Variants in VNN2 observed in about 807,000 individuals in gnomAD.
The protein encoded by VNN2 is vanin 2.
Under a neutral mutation model 43.0 loss-of-function variants are expected in VNN2, and 43 were observed. The ratio of observed to expected loss-of-function variants is 1.00; its 90% confidence interval spans 0.78 to 1.29. VNN2 has a LOEUF of 1.29. Among genes scored for constraint, VNN2 ranks in the 50% most tolerant of loss-of-function variants. The pLI, the probability that VNN2 is intolerant of heterozygous loss-of-function variation, is 0.00. For missense variants in VNN2, 652 were observed against 619.7 expected (o/e 1.05, Z -0.55); for synonymous variants, 230 against 224.3 (o/e 1.03, Z -0.23).
chr6:132,744,425 A>G lies in VNN2; in HGVS notation c.1438T>C (p.Phe480Leu). 1.2e-6 allele frequency: 2 copies of G among 1,613,732 alleles called. No individual in the cohort carries two copies. The highest frequency in any genetic ancestry group is 2.2e-5 in the South Asian group (2 of 90,978). The change falls in exon 7 of 7, where the codon TTT becomes CTT. Residue 480 changes from phenylalanine (F) to leucine (L), a missense_variant. Physicochemically the swap from Phe to Leu is conservative, Grantham distance 22. Transcript: ENST00000326499. ...SSGPILTVSL[F>L]GRWYTKDSLY... ...GAGTCCTTTGTGTACCACCTCCCAA[A>G]GAGTGACACTGTTAGTATAGGCCCA...
chr6:132,752,703 T>G lies in VNN2; in HGVS notation c.584A>C (p.Glu195Ala), dbSNP rs1272907721. 3.7e-6 allele frequency: 6 copies of G among 1,614,146 alleles called. No homozygotes were observed. Among genetic ancestry groups the G allele is most frequent in the Non-Finnish European group, 5.1e-6 (6 of 1,180,012 alleles). Residue 195 changes from glutamate (E) to alanine (A), a missense_variant, in exon 4 of 7, where the codon GAG becomes GCG. By Grantham distance (107) the Glu-to-Ala change is moderately radical. Transcript: ENST00000326499. ...EPQFNVPEKP[E>A]LVTFNTAFGR... ...AAATGCGGTGTTGAAAGTCACCAAC[T>G]CCGGCTTTTCAGGGACATTAAACTG... is the stretch of plus-strand genomic sequence containing the variant.
intron 2 of VNN2, among the ~76,000 whole-genome samples, 158 bp from the exon 3 acceptor site, chr6:132,756,193 A>G (rs1175396065): frequency 6.6e-6 from 1 of 152,222 alleles, no homozygotes; most frequent in Non-Finnish European, 1.5e-5. Context: ...ATGATTATAC[A>G]CTTGATGAAT....
At chr6:132,753,010 C>T in intron 3 of VNN2, 1 of 393,792 alleles carries the variant, frequency 2.5e-6, no homozygotes, top group Admixed American at 4.1e-5. Context: ...AATACCCCCC[C>T]ATAAACCCCA....
At chr6:132,758,564 C>A (rs1780641343), upstream of VNN2, among the ~76,000 whole-genome samples, 1 of 152,134 alleles carries the variant, frequency 6.6e-6, no homozygotes, top group African/African-American at 2.4e-5. Flanking sequence ...AAAAAAATCA[C>A]ATCCCAACAA....
At chr6:132,753,215 C>T (rs1582828579) in intron 3 of VNN2, 2 of 217,116 alleles carry the variant, frequency 9.2e-6, no homozygotes, top group African/African-American at 2.3e-5. Flanking sequence ...TTAGTAGAGT[C>T]GGGGTTTCAC....
chr6:132,760,674 T>C (rs1209047090), upstream of VNN2: 1 of 152,014 alleles, frequency 6.6e-6, no homozygotes, highest in African/African-American at 2.4e-5. Flanking sequence ...CTTAATTAAC[T>C]CTTTTGCTTT....
At chr6:132,760,421 C>A (rs933098611), upstream of VNN2, among the ~76,000 whole-genome samples, 1 of 152,104 alleles carries the variant, frequency 6.6e-6, no homozygotes, top group Non-Finnish European at 1.5e-5. Flanking sequence ...AGCAATCCAC[C>A]CACCTTGGCT....
Position 132,751,210 on chromosome 6 carries a change from T to C in VNN2, c.1135A>G (p.Asn379Asp), listed in dbSNP as rs1274854921. The C allele has an allele frequency of 1.9e-6, 3 of 1,614,144 alleles. No individual in the cohort carries two copies. The change falls in exon 5 of 7, where the codon AAT (asparagine) becomes GAT (aspartate). Residue 379 changes from asparagine to aspartate, a missense_variant. Asn to Asp is a conservative substitution (Grantham distance 23, BLOSUM62 1). Coordinates refer to ENST00000326499, the MANE Select transcript of VNN2 (RefSeq NM_004665.6). Reference sequence around the variant, plus strand: ...AAAGCTCCTAGAACGTATACTTCATTCTCTTCTTTTTGTAACATTCTGTAG... The same window carrying C: ...AAAGCTCCTAGAACGTATACTTCATCCTCTTCTTTTTGTAACATTCTGTAG... ...LSYRMLQKEENEVYVLGAFTG... is the reference protein window; with the variant it reads ...LSYRMLQKEEDEVYVLGAFTG...
In VNN2 at chr6:132,744,450, A is replaced by G; in HGVS notation, c.1413T>C (p.Ser471=). ...DGRLVNKNGS[S]GPILTVSLFG... is the part of the protein sequence containing the mutation. ...AGAGTGACACTGTTAGTATAGGCCC[A>G]GATGATCCATTCTTGTTTACCAAAC... is the stretch of plus-strand genomic sequence containing the variant. The change falls in exon 7 of 7, where the codon TCT becomes TCC. Residue 471 remains serine (S), a synonymous_variant. Coordinates refer to ENST00000326499, the MANE Select transcript of VNN2 (RefSeq NM_004665.6). The G allele has an allele frequency of 6.2e-7, 1 of 1,602,926 alleles. No individual in the cohort carries two copies. The highest frequency in any genetic ancestry group is 8.5e-7 in the Non-Finnish European group (1 of 1,176,110).
chr6:132,755,420 G>T (rs1220063812), intron 3 of VNN2, among the ~76,000 whole-genome samples: 3 of 145,020 alleles, frequency 2.1e-5, no homozygotes, highest in African/African-American at 7.7e-5. Flanking sequence ...TGTCACCCAG[G>T]CTGGAGTGCA....
chr6:132,747,799 TATTTACGTTCTCCA>T (rs1373134388), intron 6 of VNN2, among the ~76,000 whole-genome samples: 1 of 152,208 alleles, frequency 6.6e-6, no homozygotes, highest in Non-Finnish European at 1.5e-5. Flanking sequence ...TGGAATAAAT[TATTTACGTTCTCCA>T]ACTCTTCATG....
At chr6:132,752,384 A>G in intron 4 of VNN2, 77 bp downstream of exon 4, 3 of 1,485,618 alleles carry the variant, frequency 2.0e-6, no homozygotes, top group South Asian at 2.8e-5. Flanking sequence ...GCAAAAAATT[A>G]ATACAAGTCA....
At chr6:132,752,336 T>G in intron 4 of VNN2, 125 bp downstream of exon 4, 1 of 1,152,756 alleles carries the variant, frequency 8.7e-7, no homozygotes, top group Non-Finnish European at 1.2e-6. Flanking sequence ...TTTTTTCTAT[T>G]GTGAAACTAT....
rs1454845469 is a variant in VNN2 at position 132,751,131 on chromosome 6, T to G, written c.1200+14A>C. On this transcript the variant is annotated intron_variant, in intron 5 of 6. Transcript: ENST00000326499. ...CCTTTCACTTGAATGCCCTTTCATT[T>G]GAACTGAAATTACCTGCCAGTACTC... The G allele has an allele frequency of 1.3e-6, 2 of 1,555,822 alleles. No individual in the cohort carries two copies. Among genetic ancestry groups the G allele is most frequent in the African/African-American group, 2.8e-5 (2 of 72,266 alleles).
At position 132,752,451 on chromosome 6, in the gene VNN2, C is replaced by A. The variant is rs1224022035; in HGVS notation, c.826+10G>T. The stretch of plus-strand genomic sequence containing the variant: ...AATATAAGATGAAACCTAACCTGGT[C>A]ATGAATTACCTGTCATATTTAGGCT... On this transcript the variant is annotated intron_variant, in intron 4 of 6. Transcript: ENST00000326499. The A allele has an allele frequency of 1.2e-6, 2 of 1,606,746 alleles. No homozygotes were observed. Among genetic ancestry groups the A allele is most frequent in the South Asian group, 2.2e-5 (2 of 90,256 alleles).
intron 3 of VNN2, chr6:132,753,437 T>G: frequency 2.2e-6 from 1 of 446,886 alleles, no homozygotes; most frequent in South Asian, 1.6e-5. Flanking sequence ...AGGTGAGAGA[T>G]GTCATCTCTC....
rs758050928 is a variant in VNN2, at chr6:132,757,416, C to CT, written c.343dup (p.Arg115LysfsTer33). 1 of 1,599,980 alleles carries CT rather than the reference C, an allele frequency of 6.3e-7. No individual in the cohort carries two copies. The highest frequency in any genetic ancestry group is 1.1e-5 in the South Asian group (1 of 88,374). On this transcript the variant is annotated frameshift_variant and splice_region_variant, in exon 2 of 7. Transcript: ENST00000326499. LOFTEE classifies it high-confidence loss of function. ...CAAAAGACTAAGATAGTTAAAATAC[C>CT]TGTGGGGGTCTTGACACGGAATCCA... is the stretch of plus-strand genomic sequence containing the variant.
rs375812861 is a variant in VNN2, at chr6:132,744,297, G to T, written c.*3C>A. ...TGCAGAAGCTGAGTGATAAAGAGAC[G>T]CCCTATAACATTACAATATTTTGCA... is the stretch of plus-strand genomic sequence containing the variant. On this transcript the variant is annotated 3_prime_UTR_variant, in exon 7 of 7. Transcript: ENST00000326499. 2 of 1,599,320 alleles carry T rather than the reference G, an allele frequency of 1.3e-6. No individual in the cohort carries two copies. The highest frequency in any genetic ancestry group is 1.8e-5 in the Admixed American group (1 of 55,980).
At chr6:132,752,393 C>A in intron 4 of VNN2, 68 bp downstream of exon 4, 1 of 1,505,228 alleles carries the variant, frequency 6.6e-7, no homozygotes, top group Non-Finnish European at 8.9e-7. Context: ...TAATACAAGT[C>A]ATAACTGAGG....
Sources: gnomAD v4.1 joint callset for allele counts (sites outside exome capture counted in the v4.1 genomes callset) on GRCh38, gnomAD v4.1.1 for gene constraint, MANE v1.5 for transcripts, NCBI Gene and HGNC (gene_info 2026-07-23, HGNC 2026-07-21) for gene names.